The following UBR4 variants were observed in gnomAD, a reference collection of about 807,000 sequenced individuals.
UBR4 encodes ubiquitin protein ligase E3 component n-recognin 4, also known as E3 ubiquitin-protein ligase UBR4.
In UBR4, 124 loss-of-function variants were observed where a neutral mutation model predicts 575.6. The ratio of observed to expected loss-of-function variants is 0.22; its 90% CI spans 0.19 to 0.25. The LOEUF is 0.25. UBR4 is among the 10% of genes least tolerant of loss of function. UBR4 has a pLI of 1.00. For synonymous variants in UBR4, 2,455 were observed against 2,473.7 expected, an observed-to-expected ratio of 0.99 and a Z score of 0.22; for missense variants, 4,818 against 6,478.8, an observed-to-expected ratio of 0.74 and a Z score of 8.80.
Position 19,117,106 on chromosome 1 carries a change from G to T in UBR4, c.10823+115C>A. 1.8e-6 allele frequency: 2 copies of T among 1,111,414 alleles called. No homozygotes were observed. Among genetic ancestry groups the T allele is most frequent in the Non-Finnish European group, 2.6e-6 (2 of 760,414 alleles). The allele number at this position is 1,111,414 out of a possible 1,614,324, so 68.8% of individuals were successfully genotyped here. On this transcript the variant is annotated intron_variant, in intron 73 of 105. Coordinates refer to ENST00000375254, the MANE Select transcript of UBR4 (RefSeq NM_020765.3). The surrounding 1 kb of genome is among the most constrained non-coding windows in gnomAD (Gnocchi z 4.0). ...TTGGTCATGAATGGAGGGGCCAAGAGGATGTATTAGGCCTCTAGGGATGTG... is the reference window on the plus strand; with the variant it reads ...TTGGTCATGAATGGAGGGGCCAAGATGATGTATTAGGCCTCTAGGGATGTG...
rs902278269 is a variant in UBR4 at position 19,150,860 on chromosome 1, C to T, written c.7214-67G>A. On this transcript the variant is annotated intron_variant, in intron 48 of 105. Coordinates refer to ENST00000375254, the MANE Select transcript of UBR4 (RefSeq NM_020765.3). ...AAAAGCCACCCCTCCAAAGCAAAGACCAGAACAGTTGGAGCAAAGAAGTAA... is the reference window on the plus strand; with the variant it reads ...AAAAGCCACCCCTCCAAAGCAAAGATCAGAACAGTTGGAGCAAAGAAGTAA... 4 of 1,505,006 alleles carry T rather than the reference C, an allele frequency of 2.7e-6. No individual in the cohort carries two copies. The African/African-American group carries it at 5.6e-5, about 21-fold the overall frequency. 93.2% of individuals were successfully genotyped at this position (1,505,006 alleles called of 1,614,324 possible). A position where few individuals can be genotyped will look rare whatever the true frequency, so the allele number is the denominator to read the frequency against.
chr1:19,093,305 C>A lies in UBR4; in HGVS notation c.14111+8G>T. ...GCAAAGCAGCCCCGCTGCGGGAGGG[C>A]TTCATACTTCTTGGCGCTAGGGATG... On this transcript the variant is annotated splice_region_variant and intron_variant, in intron 96 of 105. Coordinates refer to ENST00000375254, the MANE Select transcript of UBR4 (RefSeq NM_020765.3). The surrounding 1 kb of genome is among the most constrained non-coding windows in gnomAD (Gnocchi z 4.8). 1 of 1,499,078 alleles carries A rather than the reference C, an allele frequency of 6.7e-7. No homozygotes were observed. Among genetic ancestry groups the A allele is most frequent in the Non-Finnish European group, 9.2e-7 (1 of 1,087,994 alleles). The allele number at this position is 1,499,078 out of a possible 1,614,324, so 92.9% of individuals were successfully genotyped here. A position where few individuals can be genotyped will look rare whatever the true frequency, so the allele number is the denominator to read the frequency against.
chr1:19,106,891 T>C lies in UBR4; in HGVS notation c.12181A>G (p.Lys4061Glu), dbSNP rs763568349. The change falls in exon 82 of 106, where the codon AAG becomes GAG. Residue 4061 changes from lysine to glutamate, a missense_variant. Lys to Glu is a moderately conservative substitution (Grantham distance 56, BLOSUM62 1). Around this residue, in one of 29 missense-constraint regions of UBR4, gnomAD observed 333 missense variants for 459.2 expected, o/e 0.73. Transcript: ENST00000375254. ...EIHAQAQLWL[K>E]RDPKASYDAW... is the part of the protein sequence containing the mutation. Reference sequence around the variant, plus strand: ...TCATAGGATGCCTTGGGGTCTCTCTTGAGCCACAGTTGAGCCTGGGCATGG... The same window carrying C: ...TCATAGGATGCCTTGGGGTCTCTCTCGAGCCACAGTTGAGCCTGGGCATGG... The C allele has an allele frequency of 6.2e-7, 1 of 1,613,558 alleles. No homozygotes were observed. The highest frequency in any genetic ancestry group is 1.3e-5 in the African/African-American group (1 of 74,894).
intron 52 of UBR4, 47 bp downstream of exon 52, chr1:19,146,779 G>A (rs2084933194): frequency 8.3e-6 from 13 of 1,575,430 alleles, no homozygotes; most frequent in Non-Finnish European, 1.1e-5. Flanking sequence ...GGGTAAATAG[G>A]CATATGAAGC....
Position 19,122,880 on chromosome 1 carries a change from T to A in UBR4, c.9769A>T (p.Thr3257Ser). 6.2e-7 allele frequency: 1 copy of A among 1,614,236 alleles called. No homozygotes were observed. Among genetic ancestry groups the A allele is most frequent in the Non-Finnish European group, 8.5e-7 (1 of 1,180,038 alleles). ...TGCAAGGCGGAGCCTGAGCTGGCTG[T>A]AACCACACTTGCCCGGAGGAATATC... ...QGIFLRASVV[T>S]ASSGSALQYD... The change falls in exon 66 of 106, where the codon ACA (threonine) becomes TCA (serine). Residue 3257 changes from threonine to serine, a missense_variant. Physicochemically the swap from Thr to Ser is moderately conservative, Grantham distance 58. Around this residue, in one of 29 missense-constraint regions of UBR4, gnomAD observed 550 missense variants for 791.5 expected, o/e 0.69. Coordinates refer to ENST00000375254, the MANE Select transcript of UBR4 (RefSeq NM_020765.3).
chr1:19,086,901 C>A, intron 99 of UBR4, 80 bp from the exon 100 acceptor site: 1 of 1,559,764 alleles, frequency 6.4e-7, no homozygotes, highest in South Asian at 1.2e-5. Context: ...GGGGAACTGC[C>A]GCCCTTCTTG....
Position 19,094,066 on chromosome 1 carries a change from C to A in UBR4, c.13820G>T (p.Arg4607Leu), listed in dbSNP as rs1438186596. The A allele has an allele frequency of 6.2e-7, 1 of 1,613,916 alleles. No individual in the cohort carries two copies. The highest frequency in any genetic ancestry group is 8.5e-7 in the Non-Finnish European group (1 of 1,179,992). The stretch of plus-strand genomic sequence containing the variant: ...GCCCTGGAGCACACTGGGGTTGGAG[C>A]GAACAAAGGTGCTGTTGATCTGGTC... ...LLDQINSTFV[R>L]SNPSVLQGLL... The change falls in exon 95 of 106, where the codon CGC becomes CTC. Residue 4607 changes from arginine (R) to leucine (L), a missense_variant. Physicochemically the swap from Arg to Leu is moderately radical, Grantham distance 102. Transcript: ENST00000375254.
At chr1:19,084,128 A>G (rs1570216609) in intron 102 of UBR4, among the ~76,000 whole-genome samples, 1 of 152,166 alleles carries the variant, frequency 6.6e-6, no homozygotes, top group South Asian at 2.1e-4. Context: ...CACAGCTCCG[A>G]CCTGTGGCCT....
chr1:19,166,918 C>A, intron 29 of UBR4, 104 bp downstream of exon 29: 4 of 1,325,338 alleles, frequency 3.0e-6, no homozygotes, highest in African/African-American at 1.5e-5. Context: ...AAACCACACA[C>A]AAAAACAATA....
In UBR4 at chr1:19,110,521, C is replaced by CTT. The variant is rs2079728453; in HGVS notation, c.11893-59_11893-58dup. On this transcript the variant is annotated intron_variant, in intron 79 of 105. Transcript: ENST00000375254. This position sits in a 1 kb window ranked among gnomAD's most constrained non-coding sequence, Gnocchi z 4.5. ...GAGGGTCAGCTCCGGTCCAGCGACT[C>CTT]TTAACTATTAATACAATTTCTGGTC... The CTT allele has an allele frequency of 6.4e-7, 1 of 1,557,316 alleles. No individual in the cohort carries two copies. Among genetic ancestry groups the CTT allele is most frequent in the South Asian group, 1.1e-5 (1 of 88,206 alleles).
Position 19,100,709 on chromosome 1 carries a change from AC to A in UBR4, c.13024-137del, listed in dbSNP as rs1251403375. ...CCCCAAACATTTAAAGATACAAAGGACAGGAAACTCAGAGGTACTTCCAAAA... is the reference window on the plus strand; with the variant it reads ...CCCCAAACATTTAAAGATACAAAGGAAGGAAACTCAGAGGTACTTCCAAAA... On this transcript the variant is annotated intron_variant, in intron 88 of 105. Transcript: ENST00000375254. This position sits in a 1 kb window ranked among gnomAD's most constrained non-coding sequence, Gnocchi z 4.2. 6.1e-6 allele frequency: 5 copies of A among 816,232 alleles called. No homozygotes were observed. Among genetic ancestry groups the A allele is most frequent in the Non-Finnish European group, 9.5e-6 (5 of 524,892 alleles). 50.6% of individuals were successfully genotyped at this position (816,232 alleles called of 1,614,324 possible). A position where few individuals can be genotyped will look rare whatever the true frequency, so the allele number is the denominator to read the frequency against.
At chr1:19,147,126 A>T in intron 51 of UBR4, 126 bp from the exon 52 acceptor site, 1 of 977,258 alleles carries the variant, frequency 1.0e-6, no homozygotes, top group Non-Finnish European at 1.5e-6. Context: ...GCCAATGAAC[A>T]CCAATCACCT....
At chr1:19,138,672 TA>T (rs111564240) in intron 59 of UBR4, among the ~76,000 whole-genome samples, 8,150 of 151,140 alleles carry the variant, frequency 0.054, 526 homozygotes, top group African/African-American at 0.16. Flanking sequence ...TAAGATCGCT[TA>T]AAAAAAAACC....
At chr1:19,095,884 C>T (rs564489504) in intron 92 of UBR4, 33 of 449,244 alleles carry the variant, frequency 7.3e-5, no homozygotes, top group South Asian at 4.3e-4. Context: ...TCTAATACAA[C>T]GGCAATGACA....
chr1:19,195,056 C>T (rs1012792398), intron 8 of UBR4, among the ~76,000 whole-genome samples: 2 of 151,000 alleles, frequency 1.3e-5, no homozygotes, highest in Non-Finnish European at 2.9e-5. Flanking sequence ...GTCAGGAGAT[C>T]GAGACCATCC....
intron 73 of UBR4, among the ~76,000 whole-genome samples, chr1:19,116,634 C>T (rs916642434): frequency 6.6e-5 from 10 of 152,278 alleles, no homozygotes; most frequent in South Asian, 6.2e-4. Flanking sequence ...CAAAAAAAGG[C>T]GATCTGTCTC....
intron 49 of UBR4, among the ~76,000 whole-genome samples, chr1:19,148,966 C>T (rs2085270852): frequency 6.6e-6 from 1 of 152,132 alleles, no homozygotes; most frequent in Non-Finnish European, 1.5e-5. Context: ...GCAATGGGAC[C>T]CAAAGCTCAG....
In UBR4 at chr1:19,106,551, C is replaced by A; in HGVS notation, c.12393+18G>T. ...GTCAGGGGCGCAGGGGGTGAAGAGT[C>A]CAGAAGTGGCCACTCACTTGTCGCA... On this transcript the variant is annotated intron_variant, in intron 83 of 105. Coordinates refer to ENST00000375254, the MANE Select transcript of UBR4 (RefSeq NM_020765.3). The A allele has an allele frequency of 7.8e-6, 12 of 1,548,162 alleles. No homozygotes were observed. The highest frequency in any genetic ancestry group is 1.0e-5 in the Non-Finnish European group (12 of 1,148,736).
chr1:19,150,159 A>T (rs1027952428), intron 49 of UBR4, among the ~76,000 whole-genome samples: 2 of 152,180 alleles, frequency 1.3e-5, no homozygotes, highest in Admixed American at 1.3e-4. Context: ...CTTGCTGGCA[A>T]TGTTATTATC....
Sources: gnomAD v4.1 joint callset for allele counts (sites outside exome capture counted in the v4.1 genomes callset) on GRCh38, gnomAD v4.1.1 for gene constraint, gnomAD v4.1.1 regional missense constraint, Gnocchi (gnomAD v3.1) non-coding constraint, MANE v1.5 for transcripts, NCBI Gene and HGNC (gene_info 2026-07-23, HGNC 2026-07-21) for gene names.